The following PBRM1 variants were observed in gnomAD, a reference collection of about 807,000 sequenced individuals.
The protein encoded by PBRM1 is protein polybromo-1.
A neutral mutation model predicts 194.5 loss-of-function variants in PBRM1; 27 were observed. The observed-to-expected ratio is 0.14, with a 90% CI of 0.10 to 0.19. The LOEUF (loss-of-function observed/expected upper bound fraction) is 0.19, where lower values mean the gene tolerates loss of function less well. PBRM1 is among the 10% of genes least tolerant of loss of function. PBRM1 has a pLI of 1.00. For missense variants in PBRM1, 1,466 were observed against 2,077.2 expected (o/e 0.71, Z 5.72); for synonymous variants, 655 against 693.2 (o/e 0.94, Z 0.87).
Position 52,642,132 on chromosome 3 carries a change from G to A in PBRM1, c.996-87C>T. The stretch of plus-strand genomic sequence containing the variant: ...AGGGAACAGGAACTATTAACAAAGT[G>A]TTAAGATGAAAGAAAAATAATTTCT... On this transcript the variant is annotated intron_variant, in intron 9 of 29. Transcript: ENST00000296302. 3 of 749,964 alleles carry A rather than the reference G, an allele frequency of 4.0e-6. No homozygotes were observed. The South Asian group carries it at 4.6e-5, about 11-fold the overall frequency. 46.5% of individuals were successfully genotyped at this position (749,964 alleles called of 1,614,324 possible).
At chr3:52,657,888 T>A (rs1199591705) in intron 5 of PBRM1, among the ~76,000 whole-genome samples, 1 of 151,370 alleles carries the variant, frequency 6.6e-6, no homozygotes, top group Admixed American at 6.6e-5. Context: ...GCCTCCAGGG[T>A]TCAAGCAATT....
intron 17 of PBRM1, among the ~76,000 whole-genome samples, chr3:52,593,670 C>T (rs2093312122): frequency 6.6e-6 from 1 of 152,140 alleles, no homozygotes; most frequent in East Asian, 1.9e-4. Context: ...TGATATCTAC[C>T]TTAATTTCAT....
At chr3:52,564,347 A>C in intron 22 of PBRM1, 114 bp from the exon 25 acceptor site, 1 of 783,544 alleles carries the variant, frequency 1.3e-6, no homozygotes, top group Non-Finnish European at 2.1e-6. Flanking sequence ...ACAATTTTAA[A>C]GATATGAAAG....
chr3:52,565,507 C>CA (rs539684179), intron 22 of PBRM1, among the ~76,000 whole-genome samples: 293 of 104,236 alleles, frequency 2.8e-3, no homozygotes, highest in South Asian at 3.8e-3. Context: ...GACTCAGTCT[C>CA]AAAAAAAAAA....
At chr3:52,605,626 G>C (rs2094301286) in intron 16 of PBRM1, among the ~76,000 whole-genome samples, 1 of 149,722 alleles carries the variant, frequency 6.7e-6, no homozygotes, top group Non-Finnish European at 1.5e-5. Flanking sequence ...TTTTGAGATG[G>C]AGTTTCGTTC....
intron 5 of PBRM1, among the ~76,000 whole-genome samples, chr3:52,652,785 G>A (rs1271072793): frequency 3.9e-5 from 6 of 151,990 alleles, no homozygotes; most frequent in Non-Finnish European, 8.8e-5. Context: ...ATCACTTGAG[G>A]TCAGAAGTTC....
Position 52,642,049 on chromosome 3 carries a change from C to CAA in PBRM1, c.996-6_996-5dup, listed in dbSNP as rs376663529. 2.3e-4 allele frequency: 273 copies of CAA among 1,175,712 alleles called. No homozygotes were observed. The highest frequency in any genetic ancestry group is 3.2e-4 in the South Asian group (24 of 74,740). 72.8% of individuals were successfully genotyped at this position (1,175,712 alleles called of 1,614,324 possible). A position where few individuals can be genotyped will look rare whatever the true frequency, so the allele number is the denominator to read the frequency against. ...TCCTTGTACTGCTCTTTTATTACTACAAAAAAAAAAAAAGCAATTAGACAG... is the reference window on the plus strand; with the variant it reads ...TCCTTGTACTGCTCTTTTATTACTACAAAAAAAAAAAAAAAGCAATTAGACAG... On this transcript the variant is annotated splice_polypyrimidine_tract_variant and splice_region_variant and intron_variant, in intron 9 of 29. Transcript: ENST00000296302.
intron 21 of PBRM1, among the ~76,000 whole-genome samples, chr3:52,578,665 G>C (rs142354294): frequency 1.3e-3 from 191 of 152,332 alleles, no homozygotes; most frequent in African/African-American, 4.2e-3. Flanking sequence ...ATAACACAAT[G>C]AACACCGATA....
At chr3:52,631,671 G>C (rs907382633) in intron 11 of PBRM1, among the ~76,000 whole-genome samples, 2 of 152,140 alleles carry the variant, frequency 1.3e-5, no homozygotes, top group African/African-American at 2.4e-5. Flanking sequence ...TGGGATTACA[G>C]ATGTGAGCCA....
intron 7 of PBRM1, among the ~76,000 whole-genome samples, chr3:52,645,272 C>CT (rs11394906): frequency 0.46 from 68,922 of 151,344 alleles, 16,031 homozygotes; most frequent in African/African-American, 0.52. Flanking sequence ...GCAGAAACTT[C>CT]TTTTTTTTCC....
chr3:52,667,894 TA>T (rs994498236), intron 3 of PBRM1, among the ~76,000 whole-genome samples: 130 of 135,830 alleles, frequency 9.6e-4, no homozygotes, highest in Admixed American at 1.3e-3. Context: ...ACTCTGTCTC[TA>T]AAAAAAAAAA....
chr3:52,550,332 G>A, intron 29 of PBRM1, 89 bp downstream of exon 31: 1 of 521,588 alleles, frequency 1.9e-6, no homozygotes, highest in Non-Finnish European at 3.2e-6. Context: ...AAAAAGGGGT[G>A]TTTATTGTAT....
intron 2 of PBRM1, among the ~76,000 whole-genome samples, chr3:52,674,787 TA>T (rs1457155830): frequency 6.6e-6 from 1 of 150,534 alleles, no homozygotes; most frequent in Non-Finnish European, 1.5e-5. Flanking sequence ...ATACGTTATA[TA>T]TACAATATAT....
chr3:52,641,275 C>T (rs927128648), intron 10 of PBRM1, among the ~76,000 whole-genome samples: 12 of 151,458 alleles, frequency 7.9e-5, no homozygotes, highest in African/African-American at 2.4e-4. Context: ...GGTAAAACCC[C>T]GTCTCTAGTA....
intron 24 of PBRM1, among the ~76,000 whole-genome samples, chr3:52,562,589 G>C (rs1304261094): frequency 3.4e-5 from 5 of 148,448 alleles, no homozygotes; most frequent in South Asian, 2.1e-4. Context: ...CTGTCACCAG[G>C]CTGGAGTACA....
chr3:52,579,231 A>G (rs1328654755), intron 20 of PBRM1, 32 bp from the exon 23 acceptor site: 1 of 1,599,644 alleles, frequency 6.3e-7, no homozygotes, highest in Admixed American at 1.7e-5. Context: ...GAAGAAAGGT[A>G]GTTGATAATC....
chr3:52,565,230 G>A (rs1180949248), intron 22 of PBRM1, among the ~76,000 whole-genome samples: 1 of 151,438 alleles, frequency 6.6e-6, no homozygotes, highest in Non-Finnish European at 1.5e-5. Context: ...AATGGGCTGG[G>A]TGCAGTGGCT....
chr3:52,635,015 T>A (rs536616461), intron 10 of PBRM1, among the ~76,000 whole-genome samples, 200 bp from the exon 12 acceptor site: 13 of 152,286 alleles, frequency 8.5e-5, no homozygotes, highest in Non-Finnish European at 1.2e-4. Context: ...AGTCTCTGCC[T>A]CTGGGACTCA....
intron 20 of PBRM1, chr3:52,586,223 T>G (rs1213294692): frequency 1.0e-5 from 5 of 484,398 alleles, no homozygotes; most frequent in Admixed American, 3.6e-5. Flanking sequence ...CGTGAACCAA[T>G]GCACTTGGCC....
Sources: allele counts gnomAD v4.1 joint callset (sites outside exome capture counted in the v4.1 genomes callset), GRCh38; gene constraint gnomAD v4.1.1; transcripts MANE v1.5; gene names NCBI Gene and HGNC (gene_info 2026-07-23, HGNC 2026-07-21).